MTHFD1L: variants seen among roughly 807,000 people sequenced by gnomAD.
The protein encoded by MTHFD1L is monofunctional C1-tetrahydrofolate synthase, mitochondrial.
MTHFD1L carries 81 observed loss-of-function variants against 119.5 expected under a neutral mutation model. The observed-to-expected ratio is 0.68, with a 90% CI of 0.57 to 0.82. The LOEUF (loss-of-function observed/expected upper bound fraction) is 0.82. Among genes scored for constraint, MTHFD1L ranks in the 40% least tolerant of loss-of-function variants. The pLI, the probability that MTHFD1L is intolerant of heterozygous loss-of-function variation, is 0.00. For missense variants in MTHFD1L, 1,125 were observed against 1,253.4 expected (o/e 0.90, Z 1.55); for synonymous variants, 430 against 475.2 (o/e 0.90, Z 1.24).
At chr6:151,022,148 G>GC (rs1784029595) in intron 24 of MTHFD1L, 1 of 447,864 alleles carries the variant, frequency 2.2e-6, no homozygotes, top group African/African-American at 2.0e-5. Context: ...TGCCCAGATG[G>GC]CCAGGGGTGT....
chr6:150,911,454 A>G (rs1253257915), intron 8 of MTHFD1L, among the ~76,000 whole-genome samples: 4 of 152,220 alleles, frequency 2.6e-5, no homozygotes, highest in African/African-American at 4.8e-5. Flanking sequence ...ACTGCTATAA[A>G]GAAATACCTG....
intron 11 of MTHFD1L, among the ~76,000 whole-genome samples, chr6:150,929,607 A>G (rs905939390): frequency 6.6e-6 from 1 of 152,240 alleles, no homozygotes; most frequent in Admixed American, 6.5e-5. Context: ...GGAGAATGCT[A>G]GCTAGCACGA....
At chr6:150,885,478 G>A (rs1782097005) in intron 5 of MTHFD1L, among the ~76,000 whole-genome samples, 156 bp from the exon 6 acceptor site, 1 of 152,250 alleles carries the variant, frequency 6.6e-6, no homozygotes, top group Non-Finnish European at 1.5e-5. Context: ...TTACAGGCGT[G>A]AGCCACCATG....
chr6:151,094,197 G>A (rs1302793298), intron 27 of MTHFD1L, among the ~76,000 whole-genome samples: 3 of 152,138 alleles, frequency 2.0e-5, no homozygotes, highest in African/African-American at 7.2e-5. Flanking sequence ...TCCTGTTCCT[G>A]AGCCCAGAAC....
chr6:151,079,526 C>T (rs1792911389), intron 26 of MTHFD1L, among the ~76,000 whole-genome samples: 1 of 151,870 alleles, frequency 6.6e-6, no homozygotes, highest in Admixed American at 6.6e-5. Context: ...GGCATGATCT[C>T]GGCTCACAGC....
chr6:150,980,940 A>G (rs1008835883), intron 20 of MTHFD1L, among the ~76,000 whole-genome samples: 19 of 152,098 alleles, frequency 1.2e-4, no homozygotes, highest in Admixed American at 1.2e-3. Flanking sequence ...GCTCGTGACC[A>G]TTAATGGCCC....
At chr6:151,062,433 C>CA (rs1223097760) in intron 26 of MTHFD1L, among the ~76,000 whole-genome samples, 7 of 150,070 alleles carry the variant, frequency 4.7e-5, no homozygotes, top group South Asian at 2.1e-4. Context: ...GACTCCATCT[C>CA]AAAAAAAAAG....
At chr6:150,932,279 CA>C (rs1791191800) in intron 11 of MTHFD1L, among the ~76,000 whole-genome samples, 1 of 151,534 alleles carries the variant, frequency 6.6e-6, no homozygotes, top group African/African-American at 2.4e-5. Flanking sequence ...TCCTTTACCT[CA>C]ACAAGTGTGT....
At chr6:151,007,371 T>C (rs1258168438) in intron 20 of MTHFD1L, among the ~76,000 whole-genome samples, 1 of 151,426 alleles carries the variant, frequency 6.6e-6, no homozygotes, top group Non-Finnish European at 1.5e-5. Flanking sequence ...GAAAAACGCC[T>C]GGATGGAGCA....
intron 26 of MTHFD1L, among the ~76,000 whole-genome samples, chr6:151,056,569 A>G (rs1049116119): frequency 3.9e-5 from 6 of 152,164 alleles, no homozygotes; most frequent in African/African-American, 1.4e-4. Context: ...GTGCATTTAT[A>G]TTGTGTGGAA....
chr6:151,033,274 C>T (rs1785612720), intron 24 of MTHFD1L, among the ~76,000 whole-genome samples: 1 of 152,036 alleles, frequency 6.6e-6, no homozygotes, highest in Non-Finnish European at 1.5e-5. Flanking sequence ...AGTGCGCTGC[C>T]ACACCCAGCT....
At chr6:150,965,349 C>T (rs1047773770) in intron 19 of MTHFD1L, among the ~76,000 whole-genome samples, 2 of 152,066 alleles carry the variant, frequency 1.3e-5, no homozygotes, top group Non-Finnish European at 1.5e-5. Context: ...TTAATTGACC[C>T]GAGTAGAAAC....
intron 25 of MTHFD1L, 93 bp downstream of exon 25, chr6:151,034,693 C>A: frequency 1.3e-6 from 1 of 779,512 alleles, no homozygotes; most frequent in Admixed American, 2.2e-5. Context: ...ATCGCACCAG[C>A]TAACCTTTGC....
chr6:151,036,420 G>A (rs1414484850), intron 25 of MTHFD1L, among the ~76,000 whole-genome samples: 1 of 152,168 alleles, frequency 6.6e-6, no homozygotes, highest in Non-Finnish European at 1.5e-5. Context: ...GGAACTCTGG[G>A]TCAGACATAG....
At chr6:151,062,368 G>A (rs1790744753) in intron 26 of MTHFD1L, among the ~76,000 whole-genome samples, 1 of 152,152 alleles carries the variant, frequency 6.6e-6, no homozygotes, top group Non-Finnish European at 1.5e-5. Context: ...AATCCGGGGG[G>A]CAGAGCTTGC....
At chr6:151,050,648 G>T (rs1286354766) in intron 26 of MTHFD1L, among the ~76,000 whole-genome samples, 1 of 152,066 alleles carries the variant, frequency 6.6e-6, no homozygotes, top group Non-Finnish European at 1.5e-5. Context: ...GGCCCTGTGG[G>T]ATCTGACACT....
rs1025318719 is a variant in MTHFD1L, at chr6:150,954,670, C to CA, written c.1727-1314dup. Among the ~76,000 whole-genome samples, 228 of 141,092 alleles carry CA rather than the reference C, an allele frequency of 1.6e-3. 1 individual carries two copies. The highest frequency in any genetic ancestry group is 4.6e-3 in the African/African-American group (178 of 38,478). 92.6% of individuals were successfully genotyped at this position (141,092 alleles called of 152,430 possible). A position where few individuals can be genotyped will look rare whatever the true frequency, so the allele number is the denominator to read the frequency against. On this transcript the variant is annotated intron_variant, in intron 16 of 27. Transcript: ENST00000367321. ...CGCCACTGCACTCCAGCCTGCATGA[C>CA]AAAAAAAAAAAGAGAGACAAGGTCT...
At chr6:150,950,828 CG>C (rs1263538361) in intron 16 of MTHFD1L, among the ~76,000 whole-genome samples, 2 of 152,052 alleles carry the variant, frequency 1.3e-5, no homozygotes, top group Non-Finnish European at 2.9e-5. Flanking sequence ...CACCACCACA[CG>C]TGGCTAATTT....
At position 150,953,805 on chromosome 6, in the gene MTHFD1L, C is replaced by T. The variant is rs368493490; in HGVS notation, c.1727-2190C>T. ...TAAAGAAATTTGATAAAAAGATTCC[C>T]TCAATCTGGTGCCAAGATCGTGTAT... On this transcript the variant is annotated intron_variant, in intron 16 of 27. Transcript: ENST00000367321. 5.4e-4 allele frequency among the ~76,000 whole-genome samples: 82 copies of T among 152,170 alleles called. 1 individual carries two copies. The South Asian group carries it at 0.017, about 31-fold the overall frequency.
Sources: gnomAD v4.1 joint callset for allele counts (sites outside exome capture counted in the v4.1 genomes callset) on GRCh38, gnomAD v4.1.1 for gene constraint, MANE v1.5 for transcripts, NCBI Gene and HGNC (gene_info 2026-07-23, HGNC 2026-07-21) for gene names.